Variants in SPHKAP observed in about 807,000 individuals in gnomAD.
SPHKAP encodes the protein A-kinase anchor protein SPHKAP.
In SPHKAP, 67 loss-of-function variants were observed where a neutral mutation model predicts 137.5. That is an observed-to-expected ratio of 0.49 (90% confidence interval 0.40 to 0.60). The LOEUF is 0.60. SPHKAP is among the 20% of genes least tolerant of loss of function. The pLI is 0.00. For missense variants in SPHKAP, 2,097 were observed against 2,069.3 expected (o/e 1.01, Z -0.26); for synonymous variants, 813 against 785.3 (o/e 1.04, Z -0.59).
At position 228,091,280 on chromosome 2, in the gene SPHKAP, A is replaced by G. The variant is rs143204068; in HGVS notation, c.246+17552T>C. ...TAGAGGTCAACTCAAGATGGATTAAAGACTTAAAACTAAGACCTCAAACTA... is the reference window on the plus strand; with the variant it reads ...TAGAGGTCAACTCAAGATGGATTAAGGACTTAAAACTAAGACCTCAAACTA... On this transcript the variant is annotated intron_variant, in intron 3 of 11. Transcript: ENST00000392056. 6.0e-3 allele frequency among the ~76,000 whole-genome samples: 918 copies of G among 152,354 alleles called. 15 individuals carry two copies. The highest frequency in any genetic ancestry group is 0.021 in the African/African-American group (861 of 41,580).
At position 227,993,055 on chromosome 2, in the gene SPHKAP, A is replaced by T. The variant is rs142926026; in HGVS notation, c.4721+479T>A. ...AGGAAGTCCCCATATTGTGGAGAGC[A>T]TAGTCACGGGGTGGGAATGACACAT... On this transcript the variant is annotated intron_variant, in intron 9 of 11. Coordinates refer to ENST00000392056, the MANE Select transcript of SPHKAP (RefSeq NM_001142644.2). 6.4e-4 allele frequency among the ~76,000 whole-genome samples: 97 copies of T among 152,238 alleles called. 1 individual carries two copies. Among genetic ancestry groups the T allele is most frequent in the Middle Eastern group, 3.4e-3 (1 of 294 alleles).
At chr2:228,088,398 A>T (rs1175785575) in intron 3 of SPHKAP, among the ~76,000 whole-genome samples, 1 of 152,194 alleles carries the variant, frequency 6.6e-6, no homozygotes, top group Non-Finnish European at 1.5e-5. Context: ...GGTAAGTATT[A>T]CAGCAACCAC....
intron 5 of SPHKAP, among the ~76,000 whole-genome samples, 179 bp downstream of exon 5, chr2:228,025,215 T>C (rs78620391): frequency 5.3e-5 from 8 of 152,204 alleles, no homozygotes; most frequent in South Asian, 2.1e-4. Context: ...AAAAGCTCTG[T>C]CAAACTCTAA....
chr2:227,999,393 A>G (rs1390260141), intron 7 of SPHKAP, among the ~76,000 whole-genome samples: 1 of 152,234 alleles, frequency 6.6e-6, no homozygotes, highest in Non-Finnish European at 1.5e-5. Context: ...AAAAAAGTTC[A>G]TTGATGACAA....
At chr2:228,025,663 A>G in intron 4 of SPHKAP, 135 bp from the exon 5 acceptor site, 1 of 1,109,558 alleles carries the variant, frequency 9.0e-7, no homozygotes, top group Non-Finnish European at 1.2e-6. Flanking sequence ...GATTCTTACT[A>G]GAAGAAATTT....
chr2:228,164,511 T>C (rs976966828), intron 1 of SPHKAP, among the ~76,000 whole-genome samples: 2 of 152,240 alleles, frequency 1.3e-5, no homozygotes, highest in Admixed American at 6.5e-5. Flanking sequence ...ATTATTACAA[T>C]AGTAACAGTT....
intron 11 of SPHKAP, among the ~76,000 whole-genome samples, chr2:227,984,620 C>T (rs1693144496): frequency 6.6e-6 from 1 of 152,106 alleles, no homozygotes; most frequent in South Asian, 2.1e-4. Context: ...TTCGGAATAG[C>T]GGTCTTGAAG....
chr2:228,085,489 T>C (rs1042564384), intron 3 of SPHKAP, among the ~76,000 whole-genome samples: 3 of 152,220 alleles, frequency 2.0e-5, no homozygotes, highest in Non-Finnish European at 4.4e-5. Flanking sequence ...GTCCAGTTGG[T>C]ACTACAGAGA....
At chr2:228,147,137 A>T (rs1209424259) in intron 1 of SPHKAP, among the ~76,000 whole-genome samples, 1 of 152,212 alleles carries the variant, frequency 6.6e-6, no homozygotes, top group East Asian at 1.9e-4. Context: ...TACTTAGTGC[A>T]ATGCCTGACA....
intron 3 of SPHKAP, among the ~76,000 whole-genome samples, chr2:228,038,444 G>A (rs13389244): frequency 0.38 from 58,058 of 151,916 alleles, 11,546 homozygotes; most frequent in South Asian, 0.51. Flanking sequence ...TCTGCATTAC[G>A]GTTGCATGAG....
chr2:228,048,949 A>G (rs1032125175), intron 3 of SPHKAP, among the ~76,000 whole-genome samples: 9 of 152,156 alleles, frequency 5.9e-5, no homozygotes, highest in Non-Finnish European at 1.3e-4. Flanking sequence ...CTCAGGATGC[A>G]TTCCTGTCTA....
At chr2:228,095,649 T>G (rs898799360) in intron 3 of SPHKAP, among the ~76,000 whole-genome samples, 44 of 152,156 alleles carry the variant, frequency 2.9e-4, no homozygotes, top group African/African-American at 1.0e-3. Context: ...TTTTTAATTT[T>G]TTTTTAATTT....
intron 1 of SPHKAP, among the ~76,000 whole-genome samples, chr2:228,147,503 T>C (rs1699808378): frequency 6.6e-6 from 1 of 152,208 alleles, no homozygotes; most frequent in Non-Finnish European, 1.5e-5. Flanking sequence ...TTAATATAAA[T>C]ATGTCAAAGT....
intron 7 of SPHKAP, among the ~76,000 whole-genome samples, chr2:228,002,417 G>T (rs962140071): frequency 2.8e-4 from 43 of 151,122 alleles, no homozygotes; most frequent in African/African-American, 1.1e-3. Context: ...TGATGAGGTT[G>T]TTTTTTTTCC....
chr2:228,107,229 T>G (rs558208183), intron 3 of SPHKAP, among the ~76,000 whole-genome samples: 1 of 152,264 alleles, frequency 6.6e-6, no homozygotes, highest in East Asian at 1.9e-4. Context: ...ACTAACATCT[T>G]CTCAACCTTC....
At position 228,087,069 on chromosome 2, in the gene SPHKAP, CATA is replaced by C. The variant is rs141753852; in HGVS notation, c.246+21760_246+21762del. On this transcript the variant is annotated intron_variant, in intron 3 of 11. Coordinates refer to ENST00000392056, the MANE Select transcript of SPHKAP (RefSeq NM_001142644.2). ...AATAGTGAGGTCAAACATTCAGGGGCATAATACCAAATGAACTAGACAGCCAAA... is the reference window on the plus strand; with the variant it reads ...AATAGTGAGGTCAAACATTCAGGGGCATACCAAATGAACTAGACAGCCAAA... Among the ~76,000 whole-genome samples, 772 of 152,152 alleles carry C rather than the reference CATA, an allele frequency of 5.1e-3. 8 individuals are homozygous for C. The highest frequency in any genetic ancestry group is 0.018 in the African/African-American group (740 of 41,504).
At chr2:228,032,064 T>G (rs1695350284) in intron 3 of SPHKAP, among the ~76,000 whole-genome samples, 2 of 152,114 alleles carry the variant, frequency 1.3e-5, no homozygotes, top group Admixed American at 6.6e-5. Flanking sequence ...GAAGAAGTCT[T>G]CAGACGATCA....
chr2:228,087,816 A>AC (rs2106322473), intron 3 of SPHKAP, among the ~76,000 whole-genome samples: 1 of 152,248 alleles, frequency 6.6e-6, no homozygotes. Context: ...TAAGTTCACC[A>AC]ACTACATACA....
Position 228,038,367 on chromosome 2 carries a change from TA to T in SPHKAP, c.247-10825del, listed in dbSNP as rs573189129. On this transcript the variant is annotated intron_variant, in intron 3 of 11. Coordinates refer to ENST00000392056, the MANE Select transcript of SPHKAP (RefSeq NM_001142644.2). ...TAGTGGGAAGCTGAAATAAAGTTTT[TA>T]TTTTTTTTTGCAGGGGCAGTTAGGG... is the stretch of plus-strand genomic sequence containing the variant. Among the ~76,000 whole-genome samples, 44 of 152,214 alleles carry T rather than the reference TA, an allele frequency of 2.9e-4. No homozygotes were observed. In the South Asian group the frequency reaches 9.2e-3, roughly 32 times the overall value.
Sources: allele counts gnomAD v4.1 joint callset (sites outside exome capture counted in the v4.1 genomes callset), GRCh38; gene constraint gnomAD v4.1.1; transcripts MANE v1.5; gene names NCBI Gene and HGNC (gene_info 2026-07-23, HGNC 2026-07-21).